Variants in ADAD1 observed in about 807,000 individuals in gnomAD.
ADAD1 encodes the protein adenosine deaminase domain-containing protein 1.
In ADAD1, 46 loss-of-function variants were observed where a neutral mutation model predicts 66.8. That is an observed-to-expected ratio of 0.69 (90% confidence interval 0.54 to 0.88). The LOEUF is 0.88. Among genes scored for constraint, ADAD1 ranks in the 40% least tolerant of loss-of-function variants. The pLI, the probability that ADAD1 is intolerant of heterozygous loss-of-function variation, is 0.00. For synonymous variants in ADAD1, 248 were observed against 229.4 expected (o/e 1.08, Z -0.73); for missense variants, 617 against 681.8 (o/e 0.91, Z 1.06).
intron 12 of ADAD1, among the ~76,000 whole-genome samples, chr4:122,425,885 G>T (rs1797211706): frequency 6.6e-6 from 1 of 151,918 alleles, no homozygotes; most frequent in Non-Finnish European, 1.5e-5. Flanking sequence ...AGCTTTAAAT[G>T]CTTGTGTTAG....
rs1184839815 is a variant in ADAD1 at position 122,412,696 on chromosome 4, G to A, written c.1136G>A (p.Arg379Lys). 5 of 1,613,786 alleles carry A rather than the reference G, an allele frequency of 3.1e-6. No individual in the cohort carries two copies. In the African/African-American group the frequency reaches 5.3e-5, roughly 17 times the overall value. The change falls in exon 10 of 13, where the codon AGA becomes AAA. Residue 379 changes from arginine to lysine, a missense_variant. Arg to Lys is a conservative substitution (Grantham distance 26, BLOSUM62 2). Transcript: ENST00000296513. ...TACTGTCCTAAAGATGGTGTTAATAGAATAAGCAGTATGTCCTCAAGTGAC... is the reference window on the plus strand; with the variant it reads ...TACTGTCCTAAAGATGGTGTTAATAAAATAAGCAGTATGTCCTCAAGTGAC... Reference protein sequence around the residue: ...TVYCPKDGVNRISSMSSSDKL... With the variant: ...TVYCPKDGVNKISSMSSSDKL...
chr4:122,408,204 A>G (rs756277581), intron 8 of ADAD1, among the ~76,000 whole-genome samples, 173 bp downstream of exon 8: 2 of 152,210 alleles, frequency 1.3e-5, no homozygotes, highest in African/African-American at 2.4e-5. Context: ...AACATTTATC[A>G]TAGTAACGCC....
At chr4:122,379,480 A>C (rs963682078) in intron 2 of ADAD1, 35 bp downstream of exon 2, 1 of 152,352 alleles carries the variant, frequency 6.6e-6, no homozygotes. Flanking sequence ...GCGGGGGCGC[A>C]AGCCCGGGTC....
At chr4:122,387,112 A>C (rs1795208138) in intron 5 of ADAD1, among the ~76,000 whole-genome samples, 1 of 113,988 alleles carries the variant, frequency 8.8e-6, no homozygotes, top group Non-Finnish European at 1.8e-5. Context: ...TGAATCTATA[A>C]ATTAGTTTGG....
intron 12 of ADAD1, among the ~76,000 whole-genome samples, chr4:122,425,154 GA>G (rs1352495856): frequency 6.6e-6 from 1 of 151,982 alleles, no homozygotes; most frequent in Non-Finnish European, 1.5e-5. Context: ...CAACTCCACA[GA>G]AAATCAGTAA....
chr4:122,427,595 T>C (rs6534348), intron 12 of ADAD1, among the ~76,000 whole-genome samples: 144,067 of 146,114 alleles, frequency 0.99, 71,058 homozygotes, highest in South Asian at 1. Flanking sequence ...AATGTGATGG[T>C]ATGATCTCGG....
chr4:122,418,468 G>A (rs1408682519), intron 11 of ADAD1, among the ~76,000 whole-genome samples: 17 of 151,692 alleles, frequency 1.1e-4, no homozygotes, highest in African/African-American at 2.2e-4. Flanking sequence ...GACTACAGGC[G>A]CCCGCCACCA....
rs569397386 is a variant in ADAD1, at chr4:122,380,158, C to T, written c.89C>T (p.Thr30Ile). 2.5e-6 allele frequency: 4 copies of T among 1,614,150 alleles called. No individual in the cohort carries two copies. The South Asian group carries it at 4.4e-5, about 18-fold the overall frequency. Reference sequence around the variant, plus strand: ...AAGAACCTGCCAGTTCAACCAGCGACAAAGACGATAACTACACCCACAGGA... The same window carrying T: ...AAGAACCTGCCAGTTCAACCAGCGATAAAGACGATAACTACACCCACAGGA... ...LKKNLPVQPA[T>I]KTITTPTGWS... The change falls in exon 3 of 13, where the codon ACA becomes ATA. Residue 30 changes from threonine to isoleucine, a missense_variant. Coordinates refer to ENST00000296513, the MANE Select transcript of ADAD1 (RefSeq NM_139243.4).
At chr4:122,407,030 G>A (rs1314045124) in intron 7 of ADAD1, among the ~76,000 whole-genome samples, 1 of 151,884 alleles carries the variant, frequency 6.6e-6, no homozygotes. Context: ...TTTGTTGCCT[G>A]GTACTTGGTA....
chr4:122,379,889 A>G (rs1794796833), intron 2 of ADAD1, among the ~76,000 whole-genome samples, 173 bp from the exon 3 acceptor site: 1 of 152,104 alleles, frequency 6.6e-6, no homozygotes, highest in Admixed American at 6.5e-5. Flanking sequence ...GTCCGTGTCT[A>G]TGAAAACTCA....
intron 7 of ADAD1, among the ~76,000 whole-genome samples, chr4:122,406,086 A>G (rs562999072): frequency 4.9e-4 from 75 of 152,320 alleles, no homozygotes; most frequent in African/African-American, 1.6e-3. Flanking sequence ...TCCTTTGGAT[A>G]TATACACAGA....
intron 4 of ADAD1, among the ~76,000 whole-genome samples, chr4:122,383,438 AC>A (rs1795001213): frequency 6.6e-6 from 1 of 152,206 alleles, no homozygotes; most frequent in Admixed American, 6.5e-5. Flanking sequence ...GTGAGATGTT[AC>A]GTGAAATCTC....
chr4:122,383,677 A>G (rs1795016798), intron 4 of ADAD1, 122 bp from the exon 5 acceptor site: 1 of 1,077,018 alleles, frequency 9.3e-7, no homozygotes, highest in Non-Finnish European at 1.3e-6. Flanking sequence ...GGACTTGTAA[A>G]GTTGGTGTTT....
intron 12 of ADAD1, among the ~76,000 whole-genome samples, chr4:122,428,864 A>T (rs756611174): frequency 6.6e-6 from 1 of 152,092 alleles, no homozygotes; most frequent in Non-Finnish European, 1.5e-5. Flanking sequence ...AAAAAACACC[A>T]AACAATGCAC....
chr4:122,379,826 C>T (rs1035480702), intron 2 of ADAD1: 10 of 419,610 alleles, frequency 2.4e-5, no homozygotes, highest in Admixed American at 8.1e-5. Context: ...CTCTCTGTTC[C>T]TTCTTTCCTC....
intron 8 of ADAD1, among the ~76,000 whole-genome samples, chr4:122,409,861 G>A (rs1276178404): frequency 2.0e-5 from 3 of 151,934 alleles, no homozygotes; most frequent in East Asian, 1.9e-4. Context: ...CACCATACCC[G>A]GCCTTTTTTT....
chr4:122,423,582 A>G (rs1387783969), intron 12 of ADAD1, among the ~76,000 whole-genome samples: 1 of 152,186 alleles, frequency 6.6e-6, no homozygotes, highest in Admixed American at 6.5e-5. Context: ...AGTGGAGGCC[A>G]TCCCAAAATA....
intron 5 of ADAD1, among the ~76,000 whole-genome samples, chr4:122,389,283 T>C (rs567464496): frequency 6.6e-6 from 1 of 152,202 alleles, no homozygotes; most frequent in South Asian, 2.1e-4. Context: ...TCCAATTACA[T>C]GGTCCATTTT....
chr4:122,384,073 GT>G (rs1437930706), intron 5 of ADAD1, 107 bp downstream of exon 5: 1 of 1,059,906 alleles, frequency 9.4e-7, no homozygotes, highest in Non-Finnish European at 1.3e-6. Context: ...CAAGATAGAA[GT>G]TGCAGGATTT....
Sources: allele counts gnomAD v4.1 joint callset (sites outside exome capture counted in the v4.1 genomes callset), GRCh38; gene constraint gnomAD v4.1.1; transcripts MANE v1.5; gene names NCBI Gene and HGNC (gene_info 2026-07-23, HGNC 2026-07-21).